HTATSF1: variants seen among roughly 807,000 people sequenced by gnomAD.
HTATSF1 encodes HIV-1 Tat specific factor 1, also known as 17S U2 SnRNP complex component HTATSF1.
Under a neutral mutation model 46.1 loss-of-function variants are expected in HTATSF1, and 6 were observed. The ratio of observed to expected loss-of-function variants is 0.13; its 90% CI spans 0.07 to 0.26. HTATSF1 has a LOEUF of 0.26. Ranked by LOEUF, HTATSF1 falls within the 10% of genes least tolerant of loss-of-function variation. HTATSF1 has a pLI of 1.00. For synonymous variants in HTATSF1, 226 were observed against 211.5 expected, an observed-to-expected ratio of 1.07 and a Z score of -0.60; for missense variants, 452 against 559.9, an observed-to-expected ratio of 0.81 and a Z score of 1.94.
At chrX:136,508,663 A>G (rs768131380) in intron 6 of HTATSF1, among the ~76,000 whole-genome samples, 4 of 112,724 alleles carry the variant, frequency 3.5e-5, no homozygotes, top group African/African-American at 1.3e-4. Context: ...AATAAAAGGG[A>G]TATATTGCTC....
chrX:136,499,745 A>G lies in HTATSF1; in HGVS notation c.334A>G (p.Arg112Gly), dbSNP rs754674503. ...QEKAPEPTDA[R>G]KKGEKRKAES... is the part of the protein sequence containing the mutation. ...AAAAGCCCCGGAACCCACTGATGCC[A>G]GAAAGAAGGGAGAAAAAAGAAAGGC... The change falls in exon 2 of 9, where the codon AGA becomes GGA. Residue 112 changes from arginine (R) to glycine (G), a missense_variant. Physicochemically the swap from Arg to Gly is moderately radical, Grantham distance 125. This residue lies in a region of HTATSF1 where 89 missense variants were observed against 92.3 expected (regional missense o/e 0.96). Transcript: ENST00000218364. 50 of 1,180,784 alleles carry G rather than the reference A, an allele frequency of 4.2e-5. No homozygotes were observed. The highest frequency in any genetic ancestry group is 5.0e-5 in the Non-Finnish European group (44 of 886,597).
rs769943576 is a variant in HTATSF1, at chrX:136,510,067, TTCTTA to T, written c.925-10_925-6del. On this transcript the variant is annotated splice_polypyrimidine_tract_variant and intron_variant, in intron 7 of 8. Coordinates refer to ENST00000218364, the MANE Select transcript of HTATSF1 (RefSeq NM_014500.5). Reference sequence around the variant, plus strand: ...CTTATCATTCATTCCTTTTTTTTCTTTCTTATCTTTCTAGAGGCACCCAGATGGTG... The same window carrying T: ...CTTATCATTCATTCCTTTTTTTTCTTTCTTTCTAGAGGCACCCAGATGGTG... 128 of 1,187,943 alleles carry T rather than the reference TTCTTA, an allele frequency of 1.1e-4. 2 individuals are homozygous for T. The South Asian group carries it at 2.2e-3, about 20-fold the overall frequency.
At position 136,497,720 on chromosome X, in the gene HTATSF1, T is replaced by C; in HGVS notation, c.36T>C (p.Phe12=). The change falls in exon 1 of 9, where the codon TTT becomes TTC. Residue 12 remains phenylalanine, a synonymous_variant. Coordinates refer to ENST00000218364, the MANE Select transcript of HTATSF1 (RefSeq NM_014500.5). The part of the protein sequence containing the change: ...SGTNLDGNDE[F]DEQLRMQELY... ...CCAACTTGGATGGGAACGATGAGTT[T>C]GATGAGCAGTTGCGAATGCAAGAAT... 1.7e-6 allele frequency: 2 copies of C among 1,202,771 alleles called. No homozygotes were observed. Among genetic ancestry groups the C allele is most frequent in the Non-Finnish European group, 2.2e-6 (2 of 888,918 alleles).
chrX:136,505,887 A>G (rs777506978), intron 6 of HTATSF1, among the ~76,000 whole-genome samples: 2 of 112,532 alleles, frequency 1.8e-5, no homozygotes, highest in Non-Finnish European at 3.8e-5. Context: ...AGTCTGCTAA[A>G]TACAACTCCG....
At chrX:136,502,543 T>C (rs919006778) in intron 4 of HTATSF1, among the ~76,000 whole-genome samples, 6 of 111,226 alleles carry the variant, frequency 5.4e-5, no homozygotes, top group Non-Finnish European at 1.1e-4. Flanking sequence ...TCAGGAAGCT[T>C]GAATAATTTA....
chrX:136,504,510 T>C, intron 6 of HTATSF1, 47 bp downstream of exon 6: 3 of 1,001,461 alleles, frequency 3.0e-6, no homozygotes, highest in Non-Finnish European at 4.2e-6. Context: ...AGGCTTTTTT[T>C]CTCTCAAGGG....
At chrX:136,504,798 G>A (rs2075734349) in intron 6 of HTATSF1, among the ~76,000 whole-genome samples, 1 of 112,253 alleles carries the variant, frequency 8.9e-6, no homozygotes. Context: ...AAGCCAACAA[G>A]TATGGCCTGA....
chrX:136,502,040 GTGAGCAGC>G (rs1299110884), intron 4 of HTATSF1, among the ~76,000 whole-genome samples: 1 of 111,644 alleles, frequency 9.0e-6, no homozygotes, highest in African/African-American at 3.3e-5. Flanking sequence ...ACCCATATAT[GTGAGCAGC>G]TGAGTTCAGT....
At position 136,504,357 on chromosome X, in the gene HTATSF1, G is replaced by A; in HGVS notation, c.735-7G>A. ...TACAGTTTGTTGTTACTGCTTCATTGCCTCAGGCAGTTGGATTGGAGACCT... is the reference window on the plus strand; with the variant it reads ...TACAGTTTGTTGTTACTGCTTCATTACCTCAGGCAGTTGGATTGGAGACCT... On this transcript the variant is annotated splice_polypyrimidine_tract_variant and splice_region_variant and intron_variant, in intron 5 of 8. Coordinates refer to ENST00000218364, the MANE Select transcript of HTATSF1 (RefSeq NM_014500.5). 1 of 1,197,138 alleles carries A rather than the reference G, an allele frequency of 8.4e-7. No homozygotes were observed. Among genetic ancestry groups the A allele is most frequent in the Non-Finnish European group, 1.1e-6 (1 of 884,559 alleles).
intron 6 of HTATSF1, 39 bp downstream of exon 6, chrX:136,504,502 G>A: frequency 9.5e-7 from 1 of 1,051,995 alleles, no homozygotes; most frequent in Non-Finnish European, 1.3e-6. Context: ...ATGCTGATAG[G>A]CTTTTTTTCT....
chrX:136,502,494 T>C (rs1366187219), intron 4 of HTATSF1, among the ~76,000 whole-genome samples: 1 of 110,593 alleles, frequency 9.0e-6, no homozygotes, highest in Non-Finnish European at 1.9e-5. Context: ...GTGATGAAGG[T>C]ATTAACTATT....
intron 6 of HTATSF1, among the ~76,000 whole-genome samples, chrX:136,508,415 C>T (rs2075752397): frequency 8.9e-6 from 1 of 111,987 alleles, no homozygotes; most frequent in Non-Finnish European, 1.9e-5. Context: ...AGGGAGATTT[C>T]CACCCGAACT....
chrX:136,500,625 A>T lies in HTATSF1; in HGVS notation c.416-39A>T, dbSNP rs755081866. The T allele has an allele frequency of 3.3e-6, 3 of 914,749 alleles. No individual in the cohort carries two copies. The East Asian group carries it at 1.0e-4, about 32-fold the overall frequency. 75.4% of individuals were successfully genotyped at this position (914,749 alleles called of 1,213,427 possible). A position where few individuals can be genotyped will look rare whatever the true frequency, so the allele number is the denominator to read the frequency against. ...GAATGCTAAGTAATTCACCTTCATTATCAATTATAAATGTTTTTTAATTTT... is the reference window on the plus strand; with the variant it reads ...GAATGCTAAGTAATTCACCTTCATTTTCAATTATAAATGTTTTTTAATTTT... On this transcript the variant is annotated intron_variant, in intron 3 of 8. Coordinates refer to ENST00000218364, the MANE Select transcript of HTATSF1 (RefSeq NM_014500.5).
At chrX:136,498,954 T>G (rs1284495599) in intron 1 of HTATSF1, among the ~76,000 whole-genome samples, 1 of 113,136 alleles carries the variant, frequency 8.8e-6, no homozygotes, top group Non-Finnish European at 1.9e-5. Flanking sequence ...ATAACGCTTT[T>G]CCCCCAAAGG....
At position 136,511,309 on chromosome X, in the gene HTATSF1, G is replaced by C; in HGVS notation, c.1564G>C (p.Glu522Gln). 1 of 1,206,477 alleles carries C rather than the reference G, an allele frequency of 8.3e-7. No homozygotes were observed. The highest frequency in any genetic ancestry group is 1.1e-6 in the Non-Finnish European group (1 of 894,197). The change falls in exon 9 of 9, where the codon GAA becomes CAA. Residue 522 changes from glutamate (E) to glutamine (Q), a missense_variant. Transcript: ENST00000218364. ...CEENGLAKES[E>Q]DDLNKESEEE... ...AGAGAATGGCCTTGCAAAGGAATCT[G>C]AAGATGACCTCAACAAGGAGTCTGA...
rs73633803 is a variant in HTATSF1, at chrX:136,509,064, C to T, written c.835-27C>T. The T allele has an allele frequency of 1.1e-3, 1,200 of 1,062,414 alleles. 9 individuals are homozygous for T. In the African/African-American group the frequency reaches 0.02, roughly 17 times the overall value. The allele number at this position is 1,062,414 out of a possible 1,213,427, so 87.6% of individuals were successfully genotyped here. ...ATTTATAGTTAAAGAAGGGAGCAAA[C>T]CCATTTTAATCATGCATATTTTTCA... On this transcript the variant is annotated intron_variant, in intron 6 of 8. Transcript: ENST00000218364.
At position 136,499,649 on chromosome X, in the gene HTATSF1, G is replaced by T. The variant is rs772068069; in HGVS notation, c.238G>T (p.Asp80Tyr). The T allele has an allele frequency of 8.3e-7, 1 of 1,198,195 alleles. No individual in the cohort carries two copies. Among genetic ancestry groups the T allele is most frequent in the Non-Finnish European group, 1.1e-6 (1 of 890,328 alleles). Residue 80 changes from aspartate (D) to tyrosine (Y), a missense_variant, in exon 2 of 9, where the codon GAT (aspartate) becomes TAT (tyrosine). Physicochemically the swap from Asp to Tyr is radical, Grantham distance 160. Around this residue, in one of 3 missense-constraint regions of HTATSF1, gnomAD observed 89 missense variants for 92.3 expected, o/e 0.96. Coordinates refer to ENST00000218364, the MANE Select transcript of HTATSF1 (RefSeq NM_014500.5). The stretch of plus-strand genomic sequence containing the variant: ...TCAGGCCAATTATGGCTTCTCTAAC[G>T]ATGGCGCATCTAGTTCTACCGCAAA... The part of the protein sequence containing the change: ...TYQANYGFSN[D>Y]GASSSTANVE...
intron 4 of HTATSF1, among the ~76,000 whole-genome samples, 187 bp from the exon 5 acceptor site, chrX:136,502,591 C>T (rs1443051759): frequency 3.6e-5 from 4 of 111,242 alleles, no homozygotes; most frequent in Non-Finnish European, 7.5e-5. Flanking sequence ...AGCTGTGTCT[C>T]AGATGCGGGT....
rs962771746 is a variant in HTATSF1, at chrX:136,502,146, C to T, written c.571-632C>T. Among the ~76,000 whole-genome samples, 3 of 111,306 alleles carry T rather than the reference C, an allele frequency of 2.7e-5. No individual in the cohort carries two copies. The South Asian group carries it at 1.1e-3, about 42-fold the overall frequency. On this transcript the variant is annotated intron_variant, in intron 4 of 8. Transcript: ENST00000218364. ...TGTCCTTTCTCTAAGACCTGGAATC[C>T]ATACATGTATTTAATATAAAGTACA...
Sources: allele counts gnomAD v4.1 joint callset (sites outside exome capture counted in the v4.1 genomes callset), GRCh38; gene constraint gnomAD v4.1.1; regional missense constraint gnomAD v4.1.1; transcripts MANE v1.5; gene names NCBI Gene and HGNC (gene_info 2026-07-23, HGNC 2026-07-21).